Variants in ARID5B observed in about 807,000 individuals in gnomAD.
ARID5B encodes the protein AT-rich interactive domain-containing protein 5B.
A neutral mutation model predicts 97.2 loss-of-function variants in ARID5B; 13 were observed. The observed-to-expected ratio is 0.13, with a 90% CI of 0.09 to 0.21. The LOEUF (loss-of-function observed/expected upper bound fraction) is 0.21. Ranked by LOEUF, ARID5B falls within the 10% of genes least tolerant of loss-of-function variation. ARID5B has a pLI of 1.00. For synonymous variants in ARID5B, 556 were observed against 570.3 expected (o/e 0.97, Z 0.36); for missense variants, 1,210 against 1,465.3 (o/e 0.83, Z 2.84).
chr10:62,069,889 C>T (rs1840040198), intron 8 of ARID5B, 92 bp downstream of exon 8: 5 of 1,299,322 alleles, frequency 3.8e-6, no homozygotes, highest in Non-Finnish European at 5.3e-6. Context: ...GTCTAAATGA[C>T]CTTTTGGGAA....
intron 2 of ARID5B, among the ~76,000 whole-genome samples, chr10:61,923,869 CAG>C (rs1844058246): frequency 6.6e-6 from 1 of 152,244 alleles, no homozygotes; most frequent in African/African-American, 2.4e-5. Context: ...TGGCACAGAG[CAG>C]AGAGTCAATA....
In ARID5B at chr10:62,093,365, ACAAT is replaced by A; in HGVS notation, c.*337_*340del. On this transcript the variant is annotated 3_prime_UTR_variant, in exon 10 of 10. Coordinates refer to ENST00000279873, the MANE Select transcript of ARID5B (RefSeq NM_032199.3). ...CCATCTGAGTTCGGATGGTCAGGAA[ACAAT>A]CTGGGCAAAAAAGAGGCAGGCATTT... The A allele has an allele frequency of 3.5e-6, 1 of 283,586 alleles. No homozygotes were observed. The allele number at this position is 283,586 out of a possible 1,614,324, so 17.6% of individuals were successfully genotyped here.
chr10:61,937,651 T>G (rs1467991469), intron 2 of ARID5B, among the ~76,000 whole-genome samples: 1 of 152,252 alleles, frequency 6.6e-6, no homozygotes. Flanking sequence ...TATCCAGTGC[T>G]AATTCTCAGT....
chr10:62,073,884 C>A (rs1840095920), intron 8 of ARID5B, among the ~76,000 whole-genome samples: 1 of 152,182 alleles, frequency 6.6e-6, no homozygotes, highest in Non-Finnish European at 1.5e-5. Flanking sequence ...CTAAGTGGAA[C>A]ATTTTCTTTC....
intron 9 of ARID5B, among the ~76,000 whole-genome samples, chr10:62,089,687 C>A (rs987699504): frequency 4.6e-5 from 7 of 152,186 alleles, no homozygotes; most frequent in South Asian, 2.1e-4. Flanking sequence ...ACCACCACAC[C>A]TGGCTAATTT....
At chr10:62,044,804 C>T (rs1347973510) in intron 4 of ARID5B, among the ~76,000 whole-genome samples, 5 of 152,182 alleles carry the variant, frequency 3.3e-5, no homozygotes, top group African/African-American at 4.8e-5. Context: ...GTTAGAACGT[C>T]GCGCAGGATC....
intron 3 of ARID5B, among the ~76,000 whole-genome samples, chr10:61,998,043 C>T (rs1262454719): frequency 6.6e-6 from 1 of 152,184 alleles, no homozygotes; most frequent in Non-Finnish European, 1.5e-5. Flanking sequence ...GCTGACAAAG[C>T]AGCTATACAC....
intron 3 of ARID5B, among the ~76,000 whole-genome samples, chr10:61,993,316 C>G (rs941704573): frequency 2.0e-5 from 3 of 152,074 alleles, no homozygotes; most frequent in Non-Finnish European, 2.9e-5. Context: ...GCTATAACCA[C>G]GAATTGATAA....
rs1448899593 is a variant in ARID5B, at chr10:61,914,677, AT to A, written c.276+12268del. 1.8e-4 allele frequency among the ~76,000 whole-genome samples: 27 copies of A among 152,346 alleles called. No homozygotes were observed. In the East Asian group the frequency reaches 5.0e-3, roughly 28 times the overall value. Reference sequence around the variant, plus strand: ...TTTTCAATGAAGTCAAAGTCACAACATTTTCCATTAATTCAGTGACCACTTA... The same window carrying A: ...TTTTCAATGAAGTCAAAGTCACAACATTTCCATTAATTCAGTGACCACTTA... On this transcript the variant is annotated intron_variant, in intron 2 of 9. Transcript: ENST00000279873.
At chr10:61,954,241 C>T (rs1826162901) in intron 3 of ARID5B, among the ~76,000 whole-genome samples, 1 of 151,726 alleles carries the variant, frequency 6.6e-6, no homozygotes, top group Non-Finnish European at 1.5e-5. Flanking sequence ...CCTGTAATCC[C>T]AGCTACTCGG....
At chr10:61,993,573 A>C (rs1299505907) in intron 3 of ARID5B, among the ~76,000 whole-genome samples, 2 of 152,124 alleles carry the variant, frequency 1.3e-5, no homozygotes, top group African/African-American at 4.8e-5. Flanking sequence ...TAACAGCTGT[A>C]GCTACTCTTA....
intron 8 of ARID5B, among the ~76,000 whole-genome samples, chr10:62,082,487 G>C (rs1456395908): frequency 6.6e-6 from 1 of 152,160 alleles, no homozygotes; most frequent in Non-Finnish European, 1.5e-5. Flanking sequence ...TTGGGGGCTG[G>C]AGTGCATGTT....
intron 4 of ARID5B, among the ~76,000 whole-genome samples, chr10:62,023,183 G>A (rs1415948191): frequency 3.9e-5 from 6 of 152,184 alleles, no homozygotes; most frequent in African/African-American, 1.4e-4. Context: ...ACACTTCTCT[G>A]TGGACGTGCT....
chr10:62,055,077 T>A (rs1182902208), intron 5 of ARID5B, among the ~76,000 whole-genome samples: 4 of 152,194 alleles, frequency 2.6e-5, no homozygotes, highest in African/African-American at 9.6e-5. Context: ...CTTGACACAT[T>A]GGAAACCCCC....
chr10:61,922,656 T>A (rs1335098282), intron 2 of ARID5B, among the ~76,000 whole-genome samples: 2 of 152,178 alleles, frequency 1.3e-5, no homozygotes, highest in Non-Finnish European at 2.9e-5. Flanking sequence ...AGGCTTTAAA[T>A]CATGTTGGCA....
intron 3 of ARID5B, among the ~76,000 whole-genome samples, chr10:61,960,362 A>G (rs1403727814): frequency 6.6e-6 from 1 of 152,124 alleles, no homozygotes; most frequent in Non-Finnish European, 1.5e-5. Flanking sequence ...ACGTTTTGTA[A>G]TGGAAACACA....
Position 62,093,742 on chromosome 10 carries a change from A to G in ARID5B, c.*712A>G, listed in dbSNP as rs1009565317. ...TTTGTTTTGTTTTTGAGGCTGACTG[A>G]CTGTCCTAGTTGTTGTGTGTTTGTA... On this transcript the variant is annotated 3_prime_UTR_variant, in exon 10 of 10. Coordinates refer to ENST00000279873, the MANE Select transcript of ARID5B (RefSeq NM_032199.3). 2.3e-5 allele frequency: 5 copies of G among 216,436 alleles called. No homozygotes were observed. The highest frequency in any genetic ancestry group is 2.0e-4 in the South Asian group (1 of 5,128). The allele number at this position is 216,436 out of a possible 1,614,324, so 13.4% of individuals were successfully genotyped here.
intron 2 of ARID5B, among the ~76,000 whole-genome samples, chr10:61,931,582 A>G (rs1844210806): frequency 6.6e-6 from 1 of 152,240 alleles, no homozygotes; most frequent in South Asian, 2.1e-4. Context: ...ACAAAATAGG[A>G]GAAAGTGGTT....
chr10:61,927,619 A>G (rs954517774), intron 2 of ARID5B, among the ~76,000 whole-genome samples: 1 of 152,266 alleles, frequency 6.6e-6, no homozygotes, highest in Non-Finnish European at 1.5e-5. Context: ...TGTTTACTGT[A>G]GAAGACAGAA....
Sources: gnomAD v4.1 joint callset for allele counts (sites outside exome capture counted in the v4.1 genomes callset) on GRCh38, gnomAD v4.1.1 for gene constraint, MANE v1.5 for transcripts, NCBI Gene and HGNC (gene_info 2026-07-23, HGNC 2026-07-21) for gene names.